Variants in ADAM12 observed in about 807,000 individuals in gnomAD.
The protein encoded by ADAM12 is disintegrin and metalloproteinase domain-containing protein 12.
In ADAM12, 70 loss-of-function variants were observed where a neutral mutation model predicts 106.4. The observed-to-expected ratio is 0.66, with a 90% CI of 0.54 to 0.80. The LOEUF (loss-of-function observed/expected upper bound fraction) is 0.80, where lower values mean the gene tolerates loss of function less well. ADAM12 is among the 30% of genes least tolerant of loss of function. ADAM12 has a pLI of 0.00. For missense variants in ADAM12, 1,010 were observed against 1,171.9 expected (o/e 0.86, Z 2.02); for synonymous variants, 420 against 433.5 (o/e 0.97, Z 0.39).
At chr10:126,085,124 C>T (rs1955311842) in intron 11 of ADAM12, among the ~76,000 whole-genome samples, 1 of 152,204 alleles carries the variant, frequency 6.6e-6, no homozygotes. Context: ...AAAGACTCTA[C>T]TGTTTGAAAG....
rs558855554 is a variant in ADAM12 at position 126,161,269 on chromosome 10, G to A, written c.261-5964C>T. ...GGTCCAGGTACTGTGCTGAGCCCCT[G>A]ATATCTCATTTAATCCATATATTAT... On this transcript the variant is annotated intron_variant, in intron 3 of 22. Coordinates refer to ENST00000448723, the MANE Select transcript of ADAM12 (RefSeq NM_001288973.2). Among the ~76,000 whole-genome samples the A allele has an allele frequency of 2.0e-5, 3 of 152,222 alleles. 1 individual carries two copies. Among genetic ancestry groups the A allele is most frequent in the African/African-American group, 7.2e-5 (3 of 41,534 alleles).
At chr10:126,024,278 T>C (rs1953826869) in intron 21 of ADAM12, among the ~76,000 whole-genome samples, 2 of 152,232 alleles carry the variant, frequency 1.3e-5, no homozygotes, top group South Asian at 2.1e-4. Flanking sequence ...GTGACTTTAA[T>C]GTTTCACTTC....
chr10:126,164,791 T>A (rs1055043652), intron 3 of ADAM12, among the ~76,000 whole-genome samples: 1 of 152,206 alleles, frequency 6.6e-6, no homozygotes, highest in African/African-American at 2.4e-5. Flanking sequence ...ATCATGAAGA[T>A]CTTCATGCTG....
At chr10:126,169,048 G>A (rs1000076471) in intron 3 of ADAM12, among the ~76,000 whole-genome samples, 19 of 151,940 alleles carry the variant, frequency 1.3e-4, no homozygotes, top group African/African-American at 4.4e-4. Flanking sequence ...GTGGGACTCC[G>A]TCTCGAAAAA....
At chr10:126,117,722 A>G (rs376652665) in intron 6 of ADAM12, among the ~76,000 whole-genome samples, 1 of 120,606 alleles carries the variant, frequency 8.3e-6, no homozygotes, top group African/African-American at 3.4e-5. Flanking sequence ...GTCTCTTGGG[A>G]GATTCCATGA....
chr10:126,040,972 C>T (rs548450962), intron 18 of ADAM12, among the ~76,000 whole-genome samples: 2 of 152,068 alleles, frequency 1.3e-5, no homozygotes, highest in Non-Finnish European at 2.9e-5. Flanking sequence ...AATCTGAGCC[C>T]AGGCCAGTCC....
intron 21 of ADAM12, among the ~76,000 whole-genome samples, chr10:126,030,240 G>A (rs1446579664): frequency 2.6e-5 from 4 of 152,114 alleles, no homozygotes; most frequent in Admixed American, 6.5e-5. Flanking sequence ...GCAAGTTGAC[G>A]GTTGCTGAAG....
chr10:126,219,393 C>A (rs376128953), intron 3 of ADAM12, among the ~76,000 whole-genome samples: 1 of 152,194 alleles, frequency 6.6e-6, no homozygotes. Flanking sequence ...CGTGGGCCAG[C>A]AGGGAACCTT....
intron 4 of ADAM12, among the ~76,000 whole-genome samples, chr10:126,140,384 C>T (rs184825840): frequency 6.6e-6 from 1 of 152,244 alleles, no homozygotes; most frequent in East Asian, 1.9e-4. Flanking sequence ...AATATAAGCT[C>T]GTTAGAGCAT....
chr10:126,264,881 C>T (rs1590704352), intron 3 of ADAM12, among the ~76,000 whole-genome samples: 1 of 152,168 alleles, frequency 6.6e-6, no homozygotes, highest in East Asian at 1.9e-4. Context: ...GCATCTACCT[C>T]CGTGCCAGAT....
At chr10:126,172,442 G>A (rs1008924153) in intron 3 of ADAM12, among the ~76,000 whole-genome samples, 8 of 152,122 alleles carry the variant, frequency 5.3e-5, no homozygotes, top group Middle Eastern at 3.2e-3. Flanking sequence ...AAAAGTGGGC[G>A]AAGGATATGA....
chr10:126,043,573 C>T lies in ADAM12; in HGVS notation c.1996-425G>A, dbSNP rs1007918075. Among the ~76,000 whole-genome samples, 7 of 152,188 alleles carry T rather than the reference C, an allele frequency of 4.6e-5. No individual in the cohort carries two copies. The highest frequency in any genetic ancestry group is 1.0e-4 in the Non-Finnish European group (7 of 68,030). ...ACCGCGGGACCTGACAGATGCTTGG[C>T]GCATCCCTGTCTCCTTCAGACAGAA... is the stretch of plus-strand genomic sequence containing the variant. On this transcript the variant is annotated intron_variant, in intron 17 of 22. Transcript: ENST00000448723. This position sits in a 1 kb window ranked among gnomAD's most constrained non-coding sequence, Gnocchi z 4.1.
At chr10:126,048,629 C>T (rs577357592) in intron 16 of ADAM12, among the ~76,000 whole-genome samples, 49 of 150,534 alleles carry the variant, frequency 3.3e-4, no homozygotes, top group South Asian at 2.3e-3. Flanking sequence ...ACATTGTATT[C>T]GCTTGCTGTC....
At chr10:126,341,659 A>G (rs1854935925) in intron 1 of ADAM12, among the ~76,000 whole-genome samples, 1 of 152,204 alleles carries the variant, frequency 6.6e-6, no homozygotes, top group Admixed American at 6.5e-5. Flanking sequence ...AATTAAGAGG[A>G]GAACAGAGAA....
chr10:126,121,124 A>ATAC (rs1956088759), intron 5 of ADAM12, among the ~76,000 whole-genome samples: 3 of 60,660 alleles, frequency 4.9e-5, no homozygotes, highest in Non-Finnish European at 8.6e-5. Flanking sequence ...TATATATAGT[A>ATAC]TATATACTAT....
intron 2 of ADAM12, among the ~76,000 whole-genome samples, chr10:126,295,290 A>C (rs1960318235): frequency 6.6e-6 from 1 of 152,112 alleles, no homozygotes; most frequent in Non-Finnish European, 1.5e-5. Context: ...GGTAAGTCAT[A>C]CTATGCCAGC....
In ADAM12 at chr10:126,056,721, G is replaced by A. The variant is rs1271375425; in HGVS notation, c.1610-7052C>T. Among the ~76,000 whole-genome samples the A allele has an allele frequency of 3.1e-4, 11 of 35,988 alleles. 4 individuals are homozygous for A. The highest frequency in any genetic ancestry group is 7.1e-4 in the Non-Finnish European group (11 of 15,412). The allele number at this position is 35,988 out of a possible 152,430, so 23.6% of individuals were successfully genotyped here. A position where few individuals can be genotyped will look rare whatever the true frequency, so the allele number is the denominator to read the frequency against. ...GCGGTGTTTGGTTTTTTGTTCTTGC[G>A]ATAGTTTACTGAGAATGATGGTTTC... On this transcript the variant is annotated intron_variant, in intron 14 of 22. Coordinates refer to ENST00000448723, the MANE Select transcript of ADAM12 (RefSeq NM_001288973.2).
intron 3 of ADAM12, among the ~76,000 whole-genome samples, chr10:126,215,500 G>T (rs1957971811): frequency 6.6e-6 from 1 of 152,154 alleles, no homozygotes; most frequent in Non-Finnish European, 1.5e-5. Flanking sequence ...GTAATCAAGG[G>T]CTTAGGTTCT....
chr10:126,246,005 A>G (rs199692048), intron 3 of ADAM12, among the ~76,000 whole-genome samples: 2 of 152,098 alleles, frequency 1.3e-5, no homozygotes, highest in East Asian at 3.9e-4. Flanking sequence ...AGTTGGATTG[A>G]CCTTTTAAAA....
Sources: gnomAD v4.1 joint callset for allele counts (sites outside exome capture counted in the v4.1 genomes callset) on GRCh38, gnomAD v4.1.1 for gene constraint, Gnocchi (gnomAD v3.1) non-coding constraint, MANE v1.5 for transcripts, NCBI Gene and HGNC (gene_info 2026-07-23, HGNC 2026-07-21) for gene names.